TMEM108: variants seen among roughly 807,000 people sequenced by gnomAD.
The protein encoded by TMEM108 is transmembrane protein 108, also known as cancer/testis antigen 124.
TMEM108 carries 12 observed loss-of-function variants against 35.1 expected under a neutral mutation model. The observed-to-expected ratio is 0.34, with a 90% CI of 0.22 to 0.55. TMEM108 has a LOEUF of 0.55. Ranked by LOEUF, TMEM108 falls within the 20% of genes least tolerant of loss-of-function variation. TMEM108 has a pLI of 0.89. For synonymous variants in TMEM108, 287 were observed against 308.6 expected, an observed-to-expected ratio of 0.93 and a Z score of 0.73; for missense variants, 680 against 753.3, an observed-to-expected ratio of 0.90 and a Z score of 1.14.
intron 3 of TMEM108, among the ~76,000 whole-genome samples, chr3:133,312,240 A>G (rs143355321): frequency 0.02 from 3,118 of 152,266 alleles, 97 homozygotes; most frequent in African/African-American, 0.07. Context: ...CAAACACCAT[A>G]CTGGCAGAAC....
intron 2 of TMEM108, among the ~76,000 whole-genome samples, chr3:133,212,203 C>T (rs904300059): frequency 6.6e-6 from 1 of 152,116 alleles, no homozygotes; most frequent in Non-Finnish European, 1.5e-5. Context: ...TTACACAGTC[C>T]TCTTTCATCT....
At chr3:133,054,279 G>A (rs572234501) in intron 2 of TMEM108, among the ~76,000 whole-genome samples, 8 of 152,326 alleles carry the variant, frequency 5.3e-5, no homozygotes, top group African/African-American at 1.4e-4. Context: ...TTTTTGAGAA[G>A]TCTGATTCTA....
At chr3:133,122,630 C>T (rs910650837) in intron 2 of TMEM108, among the ~76,000 whole-genome samples, 1 of 152,044 alleles carries the variant, frequency 6.6e-6, no homozygotes, top group Non-Finnish European at 1.5e-5. Flanking sequence ...CTTTGGGAGG[C>T]TGAGGTGGAC....
chr3:133,160,236 G>A (rs1466586736), intron 2 of TMEM108, among the ~76,000 whole-genome samples: 1 of 152,182 alleles, frequency 6.6e-6, no homozygotes, highest in Non-Finnish European at 1.5e-5. Flanking sequence ...AAGCGGCGCT[G>A]CTGCGAGAAG....
chr3:133,313,841 A>G (rs2071164341), intron 3 of TMEM108, among the ~76,000 whole-genome samples: 2 of 152,056 alleles, frequency 1.3e-5, no homozygotes, highest in African/African-American at 4.8e-5. Flanking sequence ...TCTGCTTGCA[A>G]CACAGTAATT....
At chr3:133,120,763 T>C (rs1430217929) in intron 2 of TMEM108, 5 of 152,188 alleles carry the variant, frequency 3.3e-5, no homozygotes, top group Non-Finnish European at 5.9e-5. Flanking sequence ...AGCTAACATA[T>C]GCTCTTAGAA....
intron 2 of TMEM108, among the ~76,000 whole-genome samples, chr3:133,103,074 C>T (rs1448209024): frequency 3.9e-5 from 6 of 152,110 alleles, no homozygotes. Context: ...CTCAGCAATT[C>T]CATTATTAGG....
At chr3:133,252,164 A>C (rs1451360451) in intron 3 of TMEM108, among the ~76,000 whole-genome samples, 1 of 152,168 alleles carries the variant, frequency 6.6e-6, no homozygotes, top group African/African-American at 2.4e-5. Flanking sequence ...AAATATTGCT[A>C]TTCACAGGAT....
intron 2 of TMEM108, among the ~76,000 whole-genome samples, chr3:133,163,105 C>T (rs997879763): frequency 4.6e-5 from 7 of 152,160 alleles, no homozygotes; most frequent in Non-Finnish European, 7.3e-5. Flanking sequence ...CAGTCTTGAG[C>T]CTCTCAGCTG....
chr3:133,084,921 G>C (rs1402325942), intron 2 of TMEM108, among the ~76,000 whole-genome samples: 1 of 152,122 alleles, frequency 6.6e-6, no homozygotes, highest in African/African-American at 2.4e-5. Context: ...GCAGTGAGTG[G>C]GTGGTGGGTT....
intron 2 of TMEM108, among the ~76,000 whole-genome samples, chr3:133,107,359 A>G (rs1181618899): frequency 6.6e-6 from 1 of 152,076 alleles, no homozygotes; most frequent in Admixed American, 6.6e-5. Flanking sequence ...TACTTCTAGC[A>G]TTCATAGAAG....
intron 2 of TMEM108, among the ~76,000 whole-genome samples, chr3:133,228,186 C>G (rs1455383476): frequency 9.6e-6 from 1 of 104,560 alleles, no homozygotes; most frequent in African/African-American, 3.9e-5. Flanking sequence ...AGTTATATCT[C>G]AGTAAAAAAA....
At chr3:133,198,525 C>G (rs1281867940) in intron 2 of TMEM108, among the ~76,000 whole-genome samples, 1 of 152,180 alleles carries the variant, frequency 6.6e-6, no homozygotes, top group Non-Finnish European at 1.5e-5. Flanking sequence ...CAGGGATAAG[C>G]AGGAACTGCA....
chr3:133,196,062 A>C (rs1472795189), intron 2 of TMEM108, among the ~76,000 whole-genome samples: 1 of 152,208 alleles, frequency 6.6e-6, no homozygotes, highest in East Asian at 1.9e-4. Flanking sequence ...TTACAGATAT[A>C]GCAAATCCTT....
At chr3:133,137,164 G>T (rs771448276) in intron 2 of TMEM108, among the ~76,000 whole-genome samples, 3 of 152,102 alleles carry the variant, frequency 2.0e-5, no homozygotes, top group East Asian at 1.9e-4. Context: ...ATATGTGAAC[G>T]CATGAACAAT....
chr3:133,285,259 A>T (rs1260331533), intron 3 of TMEM108, among the ~76,000 whole-genome samples: 1 of 152,244 alleles, frequency 6.6e-6, no homozygotes, highest in Non-Finnish European at 1.5e-5. Flanking sequence ...AATAACACAG[A>T]CGCAGAATAA....
At position 133,380,137 on chromosome 3, in the gene TMEM108, G is replaced by T; in HGVS notation, c.426G>T (p.Leu142=). 1 of 1,613,630 alleles carries T rather than the reference G, an allele frequency of 6.2e-7. No individual in the cohort carries two copies. ...GAGGGCAGGCTGCCCCCACCATCCT[G>T]CTGACAAAGCCACCGGGGGCCACCA... The part of the protein sequence containing the change: ...RPRGQAAPTI[L]LTKPPGATSR... The change falls in exon 4 of 6, where the codon CTG becomes CTT. Residue 142 remains leucine, a synonymous_variant. Coordinates refer to ENST00000321871, the MANE Select transcript of TMEM108 (RefSeq NM_023943.4). This position sits in a 1 kb window ranked among gnomAD's most constrained non-coding sequence, Gnocchi z 5.3.
chr3:133,139,411 T>C (rs1206150738), intron 2 of TMEM108, among the ~76,000 whole-genome samples: 1 of 152,230 alleles, frequency 6.6e-6, no homozygotes, highest in African/African-American at 2.4e-5. Context: ...AAACTCTTGT[T>C]CTTAAAGTGT....
intron 2 of TMEM108, among the ~76,000 whole-genome samples, chr3:133,204,447 A>C (rs962750975): frequency 1.3e-5 from 2 of 152,094 alleles, no homozygotes; most frequent in African/African-American, 4.8e-5. Flanking sequence ...TAATGCTATA[A>C]ATTTTCCTGT....
Sources: allele counts gnomAD v4.1 joint callset (sites outside exome capture counted in the v4.1 genomes callset), GRCh38; gene constraint gnomAD v4.1.1; non-coding constraint Gnocchi (gnomAD v3.1); transcripts MANE v1.5; gene names NCBI Gene and HGNC (gene_info 2026-07-23, HGNC 2026-07-21).